ARL6: variants seen among roughly 807,000 people sequenced by gnomAD.
ARL6 encodes the protein ARF like GTPase 6.
ARL6 carries 18 observed loss-of-function variants against 27.1 expected under a neutral mutation model. That is an observed-to-expected ratio of 0.66 (90% CI 0.46 to 0.98). ARL6 has a LOEUF of 0.98. ARL6 is among the 50% of genes least tolerant of loss of function. ARL6 has a pLI of 0.00. For synonymous variants in ARL6, 65 were observed against 72.3 expected, an observed-to-expected ratio of 0.90 and a Z score of 0.51; for missense variants, 187 against 214.9, an observed-to-expected ratio of 0.87 and a Z score of 0.81.
upstream of ARL6, chr3:97,764,673 A>G (rs937213107): frequency 6.6e-6 from 1 of 152,310 alleles, no homozygotes; most frequent in African/African-American, 2.4e-5. Flanking sequence ...AAGCTATAGC[A>G]CAACGGCTGA....
intron 4 of ARL6, among the ~76,000 whole-genome samples, chr3:97,781,732 T>C (rs2037210332): frequency 6.6e-6 from 1 of 152,068 alleles, no homozygotes; most frequent in African/African-American, 2.4e-5. Context: ...GGTAATAAAA[T>C]AAATTCATTA....
At chr3:97,775,495 C>A (rs1474230243) in intron 2 of ARL6, among the ~76,000 whole-genome samples, 1 of 152,006 alleles carries the variant, frequency 6.6e-6, no homozygotes, top group Non-Finnish European at 1.5e-5. Context: ...TCTGGCCACA[C>A]TGGCAGCTGA....
intron 2 of ARL6, among the ~76,000 whole-genome samples, chr3:97,774,744 GT>G: frequency 6.6e-6 from 1 of 152,230 alleles, no homozygotes; most frequent in South Asian, 2.1e-4. Context: ...GCTTGTGCCT[GT>G]TTTTCCACAA....
intron 6 of ARL6, 124 bp from the exon 7 acceptor site, chr3:97,791,647 C>T: frequency 2.8e-6 from 2 of 723,270 alleles, no homozygotes; most frequent in Non-Finnish European, 4.7e-6. Flanking sequence ...AATGCTTAAC[C>T]AGTTTTGCTC....
At chr3:97,766,936 T>C (rs1323260766) in intron 1 of ARL6, among the ~76,000 whole-genome samples, 1 of 151,968 alleles carries the variant, frequency 6.6e-6, no homozygotes, top group Non-Finnish European at 1.5e-5. Context: ...AAAGTAATGG[T>C]TTGGGGAGCA....
At chr3:97,787,297 T>C (rs915641273) in intron 5 of ARL6, among the ~76,000 whole-genome samples, 1 of 152,078 alleles carries the variant, frequency 6.6e-6, no homozygotes, top group African/African-American at 2.4e-5. Flanking sequence ...AAGATAAAGG[T>C]ATAAAGTAAT....
intron 3 of ARL6, 74 bp downstream of exon 3, chr3:97,780,294 C>T (rs2037127278): frequency 2.6e-6 from 3 of 1,158,914 alleles, no homozygotes; most frequent in Admixed American, 1.8e-5. Flanking sequence ...GGTCATTCTT[C>T]CTACCCTTAG....
At chr3:97,771,340 C>T (rs2873323) in intron 2 of ARL6, among the ~76,000 whole-genome samples, 67,180 of 151,776 alleles carry the variant, frequency 0.44, 16,087 homozygotes, top group East Asian at 0.66. Flanking sequence ...ATAAATGCTA[C>T]TGATTTTTAT....
At chr3:97,771,597 A>T (rs1178009836) in intron 2 of ARL6, among the ~76,000 whole-genome samples, 1 of 148,638 alleles carries the variant, frequency 6.7e-6, no homozygotes, top group African/African-American at 2.6e-5. Context: ...CCAGGTTTAG[A>T]GGAAAGGCTT....
At chr3:97,781,871 G>T (rs1003135116) in intron 4 of ARL6, among the ~76,000 whole-genome samples, 1 of 151,982 alleles carries the variant, frequency 6.6e-6, no homozygotes, top group African/African-American at 2.4e-5. Context: ...AATGGTATGT[G>T]ATATTTACCA....
intron 5 of ARL6, among the ~76,000 whole-genome samples, chr3:97,787,128 A>G (rs1424547234): frequency 2.0e-5 from 3 of 152,176 alleles, no homozygotes; most frequent in Non-Finnish European, 2.9e-5. Flanking sequence ...AGGATTGTTC[A>G]TAGTTGTAAA....
intron 2 of ARL6, 38 bp from the exon 3 acceptor site, chr3:97,780,121 T>C: frequency 6.5e-7 from 1 of 1,534,416 alleles, no homozygotes; most frequent in East Asian, 2.3e-5. Flanking sequence ...TCATCTCTGG[T>C]AATTGTAAAT....
At chr3:97,775,459 G>T (rs1349089391) in intron 2 of ARL6, among the ~76,000 whole-genome samples, 3 of 148,174 alleles carry the variant, frequency 2.0e-5, no homozygotes, top group Non-Finnish European at 4.5e-5. Context: ...GCCTTTTCAG[G>T]TTTTTTTTTT....
At chr3:97,785,098 G>T in intron 5 of ARL6, 49 bp downstream of exon 5, 2 of 1,472,756 alleles carry the variant, frequency 1.4e-6, no homozygotes, top group Non-Finnish European at 1.9e-6. Flanking sequence ...GTTCATTTAT[G>T]TGTAATGTTT....
intron 7 of ARL6, among the ~76,000 whole-genome samples, chr3:97,794,219 T>TG (rs1400201926): frequency 0.015 from 1,111 of 75,042 alleles, 7 homozygotes; most frequent in African/African-American, 0.05. Flanking sequence ...GTGTGTGTGT[T>TG]TTTGAGATGG....
intron 4 of ARL6, among the ~76,000 whole-genome samples, chr3:97,783,158 G>A (rs2037282547): frequency 6.6e-6 from 1 of 151,378 alleles, no homozygotes; most frequent in Non-Finnish European, 1.5e-5. Context: ...AAATATAGAA[G>A]AGAATATTGA....
chr3:97,794,477 G>T lies in ARL6; in HGVS notation c.535+2651G>T, dbSNP rs139966424. On this transcript the variant is annotated intron_variant, in intron 7 of 7. Transcript: ENST00000463745. ...GATCCACCCACCTCAGCCTCCAAAA[G>T]TGGTGGGATTACAGGCATGAGCCAC... Among the ~76,000 whole-genome samples, 9 of 152,198 alleles carry T rather than the reference G, an allele frequency of 5.9e-5. 1 individual carries two copies. The highest frequency in any genetic ancestry group is 2.2e-4 in the African/African-American group (9 of 41,530).
At chr3:97,786,040 T>G (rs974341493) in intron 5 of ARL6, among the ~76,000 whole-genome samples, 1 of 152,202 alleles carries the variant, frequency 6.6e-6, no homozygotes, top group Non-Finnish European at 1.5e-5. Flanking sequence ...TATTTGACTT[T>G]TTAATGTTAA....
At position 97,793,579 on chromosome 3, in the gene ARL6, T is replaced by C. The variant is rs926679183; in HGVS notation, c.535+1753T>C. Among the ~76,000 whole-genome samples, 49 of 152,142 alleles carry C rather than the reference T, an allele frequency of 3.2e-4. 1 individual carries two copies. The highest frequency in any genetic ancestry group is 2.0e-3 in the Admixed American group (31 of 15,280). ...AAAGTGTGGTTCTCCATCCCTTCTT[T>C]TCTGGTTTTATTTTGTCACTAGCAG... is the stretch of plus-strand genomic sequence containing the variant. On this transcript the variant is annotated intron_variant, in intron 7 of 7. Coordinates refer to ENST00000463745, the MANE Select transcript of ARL6 (RefSeq NM_001278293.3).
Sources: gnomAD v4.1 joint callset for allele counts (sites outside exome capture counted in the v4.1 genomes callset) on GRCh38, gnomAD v4.1.1 for gene constraint, MANE v1.5 for transcripts, NCBI Gene and HGNC (gene_info 2026-07-23, HGNC 2026-07-21) for gene names.